AMMECR1: variants seen among roughly 807,000 people sequenced by gnomAD.
AMMECR1 encodes the protein nuclear protein AMMECR1.
Under a neutral mutation model 22.5 loss-of-function variants are expected in AMMECR1, and 3 were observed. The observed-to-expected ratio is 0.13, with a 90% CI of 0.06 to 0.35. The LOEUF (loss-of-function observed/expected upper bound fraction) is 0.35, where lower values mean the gene tolerates loss of function less well. AMMECR1 is among the 10% of genes least tolerant of loss of function. The pLI, the probability that AMMECR1 is intolerant of heterozygous loss-of-function variation, is 1.00. For synonymous variants in AMMECR1, 130 were observed against 116.7 expected (o/e 1.11, Z -0.74); for missense variants, 235 against 278.7 (o/e 0.84, Z 1.12).
chrX:110,294,726 C>T (rs965718271), intron 1 of AMMECR1, among the ~76,000 whole-genome samples: 2 of 111,634 alleles, frequency 1.8e-5, no homozygotes, highest in African/African-American at 6.5e-5. Context: ...ATTTATGATA[C>T]TGAACTTTGT....
intron 2 of AMMECR1, among the ~76,000 whole-genome samples, chrX:110,222,403 A>T (rs2067506656): frequency 1.1e-5 from 1 of 87,991 alleles, no homozygotes; most frequent in Non-Finnish European, 2.2e-5. Flanking sequence ...CAATGAGATC[A>T]CATGGACACA....
chrX:110,337,235 T>G (rs758338853), intron 2 of AMMECR1, among the ~76,000 whole-genome samples: 9 of 111,625 alleles, frequency 8.1e-5, no homozygotes, highest in Non-Finnish European at 1.7e-4. Context: ...AAGGATTAAA[T>G]GAGATAATAT....
At chrX:110,251,256 G>A (rs1381765896) in intron 2 of AMMECR1, among the ~76,000 whole-genome samples, 3 of 111,827 alleles carry the variant, frequency 2.7e-5, no homozygotes, top group African/African-American at 9.8e-5. Context: ...AGTGTGTTAA[G>A]TGTTATAATA....
chrX:110,274,635 G>T (rs2067816528), intron 1 of AMMECR1, among the ~76,000 whole-genome samples: 1 of 111,533 alleles, frequency 9.0e-6, no homozygotes, highest in Non-Finnish European at 1.9e-5. Context: ...CTTAAAGTGG[G>T]TTTCTTATAC....
At chrX:110,433,362 C>T (rs1486361684) in intron 1 of AMMECR1, among the ~76,000 whole-genome samples, 1 of 111,843 alleles carries the variant, frequency 8.9e-6, no homozygotes, top group African/African-American at 3.3e-5. Context: ...CTCTCTTCCA[C>T]TAAGCAGTCT....
At chrX:110,415,535 T>C (rs780238326) in intron 2 of AMMECR1, among the ~76,000 whole-genome samples, 1 of 111,355 alleles carries the variant, frequency 9.0e-6, no homozygotes, top group African/African-American at 3.3e-5. Flanking sequence ...CGACAACCAA[T>C]ATGTATTGAT....
At chrX:110,403,248 T>A (rs2068576912) in intron 2 of AMMECR1, among the ~76,000 whole-genome samples, 1 of 112,264 alleles carries the variant, frequency 8.9e-6, no homozygotes, top group African/African-American at 3.2e-5. Flanking sequence ...GGATGCTTAT[T>A]CTACAAAATT....
At chrX:110,391,836 T>G (rs2068495776) in intron 2 of AMMECR1, among the ~76,000 whole-genome samples, 1 of 112,282 alleles carries the variant, frequency 8.9e-6, no homozygotes, top group Admixed American at 9.5e-5. Context: ...TTCCCCTTTT[T>G]TAATTCATCC....
At chrX:110,241,427 A>G (rs112036544) in intron 2 of AMMECR1, among the ~76,000 whole-genome samples, 4,920 of 111,987 alleles carry the variant, frequency 0.044, 290 homozygotes, top group African/African-American at 0.15. Context: ...ACAGAAATAC[A>G]ATCTAACATC....
At position 110,210,252 on chromosome X, in the gene AMMECR1, T is replaced by TA. The variant is rs778252834; in HGVS notation, c.699+6265dup. Among the ~76,000 whole-genome samples, 276 of 95,930 alleles carry TA rather than the reference T, an allele frequency of 2.9e-3. 1 individual carries two copies. Among genetic ancestry groups the TA allele is most frequent in the Admixed American group, 9.1e-3 (80 of 8,825 alleles). 83.3% of individuals were successfully genotyped at this position (95,930 alleles called of 115,157 possible). A position where few individuals can be genotyped will look rare whatever the true frequency, so the allele number is the denominator to read the frequency against. ...TCCTTTCCCAACACTCCACGGCACT[T>TA]AAAAAAAAAAAAAACATTTAAAGTA... On this transcript the variant is annotated intron_variant, in intron 3 of 5. Coordinates refer to ENST00000262844, the MANE Select transcript of AMMECR1 (RefSeq NM_015365.3).
chrX:110,373,499 C>T (rs1193177804), intron 2 of AMMECR1, among the ~76,000 whole-genome samples: 1 of 111,639 alleles, frequency 9.0e-6, no homozygotes, highest in Non-Finnish European at 1.9e-5. Flanking sequence ...CGGAAGGGTT[C>T]TAACAGAAAA....
intron 2 of AMMECR1, among the ~76,000 whole-genome samples, chrX:110,405,611 A>G (rs2068595776): frequency 8.9e-6 from 1 of 111,949 alleles, no homozygotes; most frequent in Admixed American, 9.4e-5. Flanking sequence ...AATTATAATA[A>G]GCTGCTTTTT....
chrX:110,354,913 T>C (rs921127926), intron 2 of AMMECR1, among the ~76,000 whole-genome samples: 6 of 111,895 alleles, frequency 5.4e-5, no homozygotes, highest in African/African-American at 1.6e-4. Context: ...ATCCACAGCA[T>C]TGGTCTGGAC....
At chrX:110,388,613 G>A (rs2068474036) in intron 2 of AMMECR1, among the ~76,000 whole-genome samples, 1 of 112,382 alleles carries the variant, frequency 8.9e-6, no homozygotes, top group African/African-American at 3.2e-5. Context: ...TCTCAGGCGT[G>A]AGGATGCATC....
intron 2 of AMMECR1, among the ~76,000 whole-genome samples, chrX:110,389,837 C>T (rs1029603172): frequency 3.6e-5 from 4 of 111,447 alleles, no homozygotes; most frequent in African/African-American, 9.8e-5. Flanking sequence ...AGAAGTCAGA[C>T]AGTCAGGTCA....
At chrX:110,437,462 C>T (rs1304584101) in intron 1 of AMMECR1, among the ~76,000 whole-genome samples, 3 of 111,955 alleles carry the variant, frequency 2.7e-5, no homozygotes, top group Non-Finnish European at 5.6e-5. Context: ...ATACCACTTG[C>T]CCAAGGCCAC....
At chrX:110,373,209 C>T (rs913642465) in intron 2 of AMMECR1, among the ~76,000 whole-genome samples, 1 of 111,811 alleles carries the variant, frequency 8.9e-6, no homozygotes. Context: ...AGGACCATGC[C>T]TGTAAGTAAA....
At chrX:110,264,238 C>G (rs111477605) in intron 2 of AMMECR1, among the ~76,000 whole-genome samples, 74 of 109,453 alleles carry the variant, frequency 6.8e-4, no homozygotes, top group Middle Eastern at 9.3e-3. Flanking sequence ...AAGCTGGCCA[C>G]TGGAAGAAAA....
At chrX:110,333,837 T>C (rs1186398210) in intron 2 of AMMECR1, among the ~76,000 whole-genome samples, 1 of 106,209 alleles carries the variant, frequency 9.4e-6, no homozygotes, top group African/African-American at 3.5e-5. Flanking sequence ...GGGGTGGGGG[T>C]CTGGGGGAGG....
Sources: allele counts gnomAD v4.1 joint callset (sites outside exome capture counted in the v4.1 genomes callset), GRCh38; gene constraint gnomAD v4.1.1; transcripts MANE v1.5; gene names NCBI Gene and HGNC (gene_info 2026-07-23, HGNC 2026-07-21).